CDRT4: variants seen among roughly 807,000 people sequenced by gnomAD.
CDRT4 encodes CMT1A duplicated region transcript 4 protein.
For missense variants in CDRT4, 167 were observed against 193.1 expected, an observed-to-expected ratio of 0.87 and a Z score of 0.80; for synonymous variants, 64 against 69.6, an observed-to-expected ratio of 0.92 and a Z score of 0.40.
intron 1 of CDRT4, among the ~76,000 whole-genome samples, chr17:15,463,415 T>C (rs1979849271): frequency 6.6e-6 from 1 of 152,154 alleles, no homozygotes; most frequent in Non-Finnish European, 1.5e-5. Flanking sequence ...CAGAACAAAA[T>C]CATTCTTTCC....
At chr17:15,452,052 T>A (rs1283287374) in intron 2 of CDRT4, among the ~76,000 whole-genome samples, 2 of 152,180 alleles carry the variant, frequency 1.3e-5, no homozygotes, top group African/African-American at 4.8e-5. Flanking sequence ...TGCACACTTG[T>A]ATGGGACACA....
At position 15,440,102 on chromosome 17, in the gene CDRT4, A is replaced by T. The variant is rs548999604; in HGVS notation, c.31+106T>A. The T allele has an allele frequency of 3.4e-4, 112 of 329,606 alleles. 1 individual carries two copies. Among genetic ancestry groups the T allele is most frequent in the African/African-American group, 1.6e-3 (65 of 41,314 alleles). The allele number at this position is 329,606 out of a possible 1,614,324, so 20.4% of individuals were successfully genotyped here. ...TTTAAGTATAATAAAAATATATATT[A>T]AAAAAAAAAAAGAGTGGCCGCCCAG... On this transcript the variant is annotated intron_variant, in intron 3 of 3. Coordinates refer to ENST00000619038, the MANE Select transcript of CDRT4 (RefSeq NM_001204477.2).
chr17:15,466,074 G>A (rs553776904), intron 1 of CDRT4, among the ~76,000 whole-genome samples: 2 of 151,908 alleles, frequency 1.3e-5, no homozygotes, highest in Non-Finnish European at 1.5e-5. Flanking sequence ...GGGGAGGGAG[G>A]GCAGAGCCTA....
intron 2 of CDRT4, 52 bp from the exon 3 acceptor site, chr17:15,440,337 T>C (rs1978701080): frequency 6.3e-7 from 1 of 1,590,662 alleles, no homozygotes; most frequent in Admixed American, 1.7e-5. Flanking sequence ...GGAAAGCAAT[T>C]AGTAGCCACC....
At chr17:15,439,147 C>T (rs1978637702) in intron 3 of CDRT4, 2 of 456,116 alleles carry the variant, frequency 4.4e-6, no homozygotes, top group Non-Finnish European at 4.4e-6. Context: ...GCAGCTGCTA[C>T]CTTCCTCTGT....
chr17:15,454,727 C>T (rs1016625596), intron 1 of CDRT4, among the ~76,000 whole-genome samples: 2 of 152,162 alleles, frequency 1.3e-5, no homozygotes, highest in East Asian at 3.9e-4. Context: ...CATCAAGGGG[C>T]TGTAGGGTAG....
At chr17:15,439,565 T>C (rs2954762) in intron 3 of CDRT4, among the ~76,000 whole-genome samples, 33,734 of 152,102 alleles carry the variant, frequency 0.22, 5,441 homozygotes, top group East Asian at 0.53. Context: ...AGAGTCCAAA[T>C]TCAAACGCCT....
chr17:15,440,176 G>C (rs1978691162), intron 3 of CDRT4, 32 bp downstream of exon 3: 2 of 1,612,428 alleles, frequency 1.2e-6, no homozygotes, highest in African/African-American at 2.7e-5. Context: ...CCCCAGTGCA[G>C]GAGCTTCCAC....
At chr17:15,442,598 A>G (rs983346767) in intron 2 of CDRT4, among the ~76,000 whole-genome samples, 4 of 152,186 alleles carry the variant, frequency 2.6e-5, no homozygotes, top group East Asian at 3.9e-4. Flanking sequence ...TCTTACAAAC[A>G]TTTGTTTCCA....
intron 2 of CDRT4, among the ~76,000 whole-genome samples, chr17:15,440,736 G>A (rs1436471863): frequency 6.6e-6 from 1 of 152,200 alleles, no homozygotes; most frequent in African/African-American, 2.4e-5. Context: ...TAGCAGAGAT[G>A]GGCAGTGGCC....
At chr17:15,442,148 T>C (rs1013185058) in intron 2 of CDRT4, among the ~76,000 whole-genome samples, 1 of 152,196 alleles carries the variant, frequency 6.6e-6, no homozygotes, top group Non-Finnish European at 1.5e-5. Context: ...CGGTAGCTCA[T>C]GCCTGTAATC....
intron 2 of CDRT4, among the ~76,000 whole-genome samples, chr17:15,448,393 T>C (rs1979120924): frequency 6.6e-6 from 1 of 152,168 alleles, no homozygotes. Context: ...GTATTATAAA[T>C]AGTGTGTGTC....
At chr17:15,443,115 T>C (rs1978845817) in intron 2 of CDRT4, among the ~76,000 whole-genome samples, 1 of 152,132 alleles carries the variant, frequency 6.6e-6, no homozygotes, top group African/African-American at 2.4e-5. Context: ...CAGAATCTAG[T>C]CTGACAGACT....
chr17:15,462,547 G>A (rs1363121576), intron 1 of CDRT4, among the ~76,000 whole-genome samples: 1 of 151,744 alleles, frequency 6.6e-6, no homozygotes, highest in Non-Finnish European at 1.5e-5. Flanking sequence ...GGACACTGCA[G>A]ACAGAATTGC....
intron 1 of CDRT4, among the ~76,000 whole-genome samples, chr17:15,455,652 T>A (rs1204582692): frequency 6.6e-6 from 1 of 152,234 alleles, no homozygotes; most frequent in Non-Finnish European, 1.5e-5. Context: ...CCAGCTGCCA[T>A]GTTACAAACT....
chr17:15,451,439 G>C (rs759338369), intron 2 of CDRT4, among the ~76,000 whole-genome samples: 1 of 151,096 alleles, frequency 6.6e-6, no homozygotes, highest in Non-Finnish European at 1.5e-5. Flanking sequence ...TTTTAAACAT[G>C]ATCAGATTAA....
intron 2 of CDRT4, chr17:15,444,066 G>A (rs1345212346): frequency 3.0e-6 from 3 of 998,518 alleles, no homozygotes; most frequent in East Asian, 2.5e-5. Context: ...AAACAACATT[G>A]AGCTTGTTTC....
chr17:15,452,382 A>G (rs1249281504), intron 2 of CDRT4: 1 of 152,260 alleles, frequency 6.6e-6, no homozygotes, highest in East Asian at 1.9e-4. Context: ...GTGACAGTCC[A>G]GGATTCACAC....
rs1978512970 is a variant in CDRT4 at position 15,436,867 on chromosome 17, A to G, written c.*906T>C. ...GGAGATGCTGGGGCTGGGATTCTACAAACCACATTCTGGCTTTGTGCCCTG... is the reference window on the plus strand; with the variant it reads ...GGAGATGCTGGGGCTGGGATTCTACGAACCACATTCTGGCTTTGTGCCCTG... On this transcript the variant is annotated 3_prime_UTR_variant, in exon 4 of 4. Coordinates refer to ENST00000619038, the MANE Select transcript of CDRT4 (RefSeq NM_001204477.2). The G allele has an allele frequency of 6.6e-6, 1 of 152,184 alleles. No homozygotes were observed. The highest frequency in any genetic ancestry group is 2.4e-5 in the African/African-American group (1 of 41,426). 9.4% of individuals were successfully genotyped at this position (152,184 alleles called of 1,614,324 possible). A position where few individuals can be genotyped will look rare whatever the true frequency, so the allele number is the denominator to read the frequency against.
Sources: allele counts gnomAD v4.1 joint callset (sites outside exome capture counted in the v4.1 genomes callset), GRCh38; gene constraint gnomAD v4.1.1; transcripts MANE v1.5; gene names NCBI Gene and HGNC (gene_info 2026-07-23, HGNC 2026-07-21).